Variants in PALS2 observed in about 807,000 individuals in gnomAD.
The protein encoded by PALS2 is protein associated with LIN7 2, MAGUK p55 family member, also known as protein PALS2.
A neutral mutation model predicts 61.6 loss-of-function variants in PALS2; 27 were observed. The observed-to-expected ratio is 0.44, with a 90% CI of 0.32 to 0.60. The LOEUF is 0.60. PALS2 is among the 20% of genes least tolerant of loss of function. PALS2 has a pLI of 0.05. For missense variants in PALS2, 554 were observed against 639.4 expected, an observed-to-expected ratio of 0.87 and a Z score of 1.44; for synonymous variants, 236 against 218.6, an observed-to-expected ratio of 1.08 and a Z score of -0.70.
rs1783013594 is a variant in PALS2, at chr7:24,585,214, C to T, written c.-3+11621C>T. ...ATTCTGTGAAGAAAGTCATTGGTAG[C>T]TTGATGGGGATGGCATTGAATCTGT... is the stretch of plus-strand genomic sequence containing the variant. On this transcript the variant is annotated intron_variant, in intron 1 of 11. Coordinates refer to ENST00000222644, the MANE Select transcript of PALS2 (RefSeq NM_001303037.2). 3.9e-5 allele frequency among the ~76,000 whole-genome samples: 6 copies of T among 152,040 alleles called. No homozygotes were observed. In the South Asian group the frequency reaches 1.2e-3, roughly 32 times the overall value.
At chr7:24,625,597 G>A (rs1784706614) in intron 2 of PALS2, among the ~76,000 whole-genome samples, 1 of 152,140 alleles carries the variant, frequency 6.6e-6, no homozygotes. Context: ...GATGGGGTAT[G>A]TGTATGTTTG....
chr7:24,608,197 A>C (rs1783992953), intron 1 of PALS2, among the ~76,000 whole-genome samples: 1 of 152,160 alleles, frequency 6.6e-6, no homozygotes, highest in Non-Finnish European at 1.5e-5. Context: ...TATCAGTAAT[A>C]AATGTCATGC....
At chr7:24,574,366 A>T (rs1365276241) in intron 1 of PALS2, 2 of 152,188 alleles carry the variant, frequency 1.3e-5, no homozygotes, top group East Asian at 1.9e-4. Context: ...GAGGTATCCG[A>T]CCGTGTGGTG....
At chr7:24,676,110 T>A (rs566151596) in intron 9 of PALS2, among the ~76,000 whole-genome samples, 4 of 151,252 alleles carry the variant, frequency 2.6e-5, no homozygotes, top group African/African-American at 7.3e-5. Flanking sequence ...GGTATCTCAT[T>A]GTGGTTTTGA....
intron 5 of PALS2, among the ~76,000 whole-genome samples, chr7:24,662,967 G>T (rs1786816476): frequency 6.6e-6 from 1 of 152,120 alleles, no homozygotes; most frequent in South Asian, 2.1e-4. Flanking sequence ...TAAAAGAAAT[G>T]TGTATACACA....
intron 1 of PALS2, among the ~76,000 whole-genome samples, chr7:24,603,917 G>A (rs1193422179): frequency 1.3e-5 from 2 of 152,064 alleles, no homozygotes; most frequent in Non-Finnish European, 2.9e-5. Context: ...TGCTAGACAT[G>A]GCAAAGAAAA....
At chr7:24,661,672 A>G (rs1786728389) in intron 5 of PALS2, among the ~76,000 whole-genome samples, 2 of 152,268 alleles carry the variant, frequency 1.3e-5, no homozygotes, top group African/African-American at 2.4e-5. Flanking sequence ...TTTTTGTTCT[A>G]TCATTTATAA....
intron 1 of PALS2, among the ~76,000 whole-genome samples, chr7:24,585,271 G>A (rs918633077): frequency 2.6e-5 from 4 of 151,588 alleles, no homozygotes; most frequent in East Asian, 1.9e-4. Flanking sequence ...CCATTTTGAC[G>A]ATATTGATTC....
intron 1 of PALS2, among the ~76,000 whole-genome samples, chr7:24,591,872 C>A (rs1462053991): frequency 6.6e-6 from 1 of 151,964 alleles, no homozygotes; most frequent in Non-Finnish European, 1.5e-5. Flanking sequence ...CTAATATGTA[C>A]ATTTTTCTGT....
intron 1 of PALS2, among the ~76,000 whole-genome samples, chr7:24,612,169 TAATA>T (rs1279037728): frequency 2.0e-5 from 3 of 151,992 alleles, no homozygotes; most frequent in African/African-American, 7.2e-5. Context: ...GCTGCTGTTT[TAATA>T]GAGATTGTGA....
At position 24,585,227 on chromosome 7, in the gene PALS2, G is replaced by A. The variant is rs561621642; in HGVS notation, c.-3+11634G>A. Reference sequence around the variant, plus strand: ...AGTCATTGGTAGCTTGATGGGGATGGCATTGAATCTGTAAATTACCTTGGG... The same window carrying A: ...AGTCATTGGTAGCTTGATGGGGATGACATTGAATCTGTAAATTACCTTGGG... On this transcript the variant is annotated intron_variant, in intron 1 of 11. Coordinates refer to ENST00000222644, the MANE Select transcript of PALS2 (RefSeq NM_001303037.2). Among the ~76,000 whole-genome samples the A allele has an allele frequency of 5.9e-5, 9 of 152,046 alleles. No individual in the cohort carries two copies. In the South Asian group the frequency reaches 1.9e-3, roughly 31 times the overall value.
chr7:24,615,781 C>T (rs569568172), intron 1 of PALS2, among the ~76,000 whole-genome samples: 1 of 152,156 alleles, frequency 6.6e-6, no homozygotes, highest in South Asian at 2.1e-4. Context: ...AGACCAATAT[C>T]CCTACTGAAC....
At chr7:24,640,097 A>C (rs1462062221) in intron 2 of PALS2, among the ~76,000 whole-genome samples, 2 of 151,956 alleles carry the variant, frequency 1.3e-5, no homozygotes, top group Non-Finnish European at 2.9e-5. Flanking sequence ...GATTACAGAC[A>C]TGAGCCACTG....
At chr7:24,592,640 A>G (rs1465620984) in intron 1 of PALS2, among the ~76,000 whole-genome samples, 1 of 152,156 alleles carries the variant, frequency 6.6e-6, no homozygotes. Context: ...CTGGACCGCT[A>G]CAATAAAACA....
intron 2 of PALS2, among the ~76,000 whole-genome samples, chr7:24,640,115 A>T (rs1253630603): frequency 6.6e-6 from 1 of 151,540 alleles, no homozygotes; most frequent in African/African-American, 2.4e-5. Context: ...CTGTAGTTTA[A>T]TTTTTTTAAT....
At chr7:24,646,774 C>G (rs1190135585) in intron 3 of PALS2, among the ~76,000 whole-genome samples, 1 of 152,174 alleles carries the variant, frequency 6.6e-6, no homozygotes, top group East Asian at 1.9e-4. Context: ...GTGAATCCAT[C>G]AGGTCCCAGG....
At chr7:24,647,237 C>T (rs1222559292) in intron 3 of PALS2, among the ~76,000 whole-genome samples, 1 of 151,746 alleles carries the variant, frequency 6.6e-6, no homozygotes, top group Non-Finnish European at 1.5e-5. Context: ...GCCTCCACCT[C>T]CCAGGTTCAA....
rs948739299 is a variant in PALS2, at chr7:24,623,594, A to G, written c.-2-72A>G. The G allele has an allele frequency of 3.5e-6, 3 of 865,242 alleles. No individual in the cohort carries two copies. In the African/African-American group the frequency reaches 5.2e-5, roughly 15 times the overall value. 53.6% of individuals were successfully genotyped at this position (865,242 alleles called of 1,614,324 possible). A position where few individuals can be genotyped will look rare whatever the true frequency, so the allele number is the denominator to read the frequency against. On this transcript the variant is annotated intron_variant, in intron 1 of 11. Transcript: ENST00000222644. ...CATTATTAAAATAATCTTACTCCAT[A>G]ACGGCTTGAAATTTAAGGGTTTTTG...
intron 4 of PALS2, 76 bp downstream of exon 4, chr7:24,649,840 AT>A (rs112138018): frequency 4.3e-5 from 56 of 1,313,052 alleles, no homozygotes; most frequent in East Asian, 1.3e-4. Flanking sequence ...ACTCTGTTTC[AT>A]TTTTTTTCCT....
Sources: gnomAD v4.1 joint callset for allele counts (sites outside exome capture counted in the v4.1 genomes callset) on GRCh38, gnomAD v4.1.1 for gene constraint, MANE v1.5 for transcripts, NCBI Gene and HGNC (gene_info 2026-07-23, HGNC 2026-07-21) for gene names.